Variants in CERS6 observed in about 807,000 individuals in gnomAD.
CERS6 encodes ceramide synthase 6, also known as LAG1 homolog, ceramide synthase 6.
Under a neutral mutation model 56.8 loss-of-function variants are expected in CERS6, and 26 were observed. That is an observed-to-expected ratio of 0.46 (90% confidence interval 0.34 to 0.63). The LOEUF (loss-of-function observed/expected upper bound fraction) is 0.63. Among genes scored for constraint, CERS6 ranks in the 30% least tolerant of loss-of-function variants. CERS6 has a pLI of 0.01. For missense variants in CERS6, 415 were observed against 467.5 expected (o/e 0.89, Z 1.04); for synonymous variants, 164 against 173.3 (o/e 0.95, Z 0.42).
intron 6 of CERS6, among the ~76,000 whole-genome samples, chr2:168,697,020 T>A (rs1277526067): frequency 6.6e-6 from 1 of 152,164 alleles, no homozygotes; most frequent in Non-Finnish European, 1.5e-5. Flanking sequence ...AGTAATCTGC[T>A]AAGTTGCAAA....
chr2:168,457,094 C>T (rs1392290419), intron 1 of CERS6, among the ~76,000 whole-genome samples: 1 of 152,256 alleles, frequency 6.6e-6, no homozygotes, highest in African/African-American at 2.4e-5. Flanking sequence ...ACACTTCAAT[C>T]TTTATGCTCC....
chr2:168,461,132 CCTTGTAATGAAGAGACTGAT>C (rs1693772094), intron 1 of CERS6, among the ~76,000 whole-genome samples: 1 of 152,050 alleles, frequency 6.6e-6, no homozygotes, highest in African/African-American at 2.4e-5. Flanking sequence ...CTATAGTGTA[CCTTGTAATGAAGAGACTGAT>C]CTGATATATT....
chr2:168,751,990 G>A (rs900480114), intron 8 of CERS6, among the ~76,000 whole-genome samples: 3 of 152,060 alleles, frequency 2.0e-5, no homozygotes, highest in African/African-American at 7.2e-5. Flanking sequence ...ACAGTTATTT[G>A]TAAACTCTTT....
At chr2:168,594,174 A>G (rs192099810) in intron 3 of CERS6, among the ~76,000 whole-genome samples, 12 of 152,334 alleles carry the variant, frequency 7.9e-5, no homozygotes, top group Non-Finnish European at 1.5e-4. Context: ...TTATACTTAT[A>G]AGAGTTATTC....
chr2:168,464,967 A>AT (rs1420623124), intron 1 of CERS6, among the ~76,000 whole-genome samples: 2 of 152,234 alleles, frequency 1.3e-5, no homozygotes, highest in African/African-American at 2.4e-5. Flanking sequence ...TGCAACTGCT[A>AT]TGGAGGTTCC....
At chr2:168,471,504 C>A (rs1693978010) in intron 1 of CERS6, among the ~76,000 whole-genome samples, 1 of 152,000 alleles carries the variant, frequency 6.6e-6, no homozygotes, top group South Asian at 2.1e-4. Flanking sequence ...GGCTGTTTTT[C>A]TGATTTCTAA....
intron 8 of CERS6, 68 bp downstream of exon 8, chr2:168,718,046 T>C: frequency 8.6e-7 from 1 of 1,164,944 alleles, no homozygotes; most frequent in Non-Finnish European, 1.3e-6. Flanking sequence ...CCATTTTCCT[T>C]TTGAATTTTA....
chr2:168,540,525 C>T (rs770722408), intron 1 of CERS6, among the ~76,000 whole-genome samples: 7 of 152,108 alleles, frequency 4.6e-5, no homozygotes, highest in Non-Finnish European at 8.8e-5. Flanking sequence ...AGCCTTGGAG[C>T]AATAGGCAAT....
At chr2:168,700,407 G>C (rs530974374) in intron 6 of CERS6, among the ~76,000 whole-genome samples, 1 of 152,172 alleles carries the variant, frequency 6.6e-6, no homozygotes, top group Admixed American at 6.5e-5. Context: ...TTGACAAATA[G>C]AGCTTAGACA....
intron 1 of CERS6, among the ~76,000 whole-genome samples, chr2:168,464,760 C>T (rs1022642355): frequency 6.6e-6 from 1 of 151,088 alleles, no homozygotes; most frequent in South Asian, 2.1e-4. Context: ...TGAGTGAGAC[C>T]CCATGTCAAA....
At chr2:168,676,076 A>G (rs1173015373) in intron 4 of CERS6, among the ~76,000 whole-genome samples, 1 of 152,122 alleles carries the variant, frequency 6.6e-6, no homozygotes, top group Non-Finnish European at 1.5e-5. Flanking sequence ...TCTTATTCCT[A>G]TTTCTACATT....
At chr2:168,520,588 T>G (rs1454634686) in intron 1 of CERS6, among the ~76,000 whole-genome samples, 1 of 146,912 alleles carries the variant, frequency 6.8e-6, no homozygotes, top group Non-Finnish European at 1.5e-5. Flanking sequence ...TCTTTAACAT[T>G]TACAATATCC....
At chr2:168,561,600 T>TA (rs915444739) in intron 3 of CERS6, among the ~76,000 whole-genome samples, 1 of 152,206 alleles carries the variant, frequency 6.6e-6, no homozygotes, top group Non-Finnish European at 1.5e-5. Flanking sequence ...ATCTTTGAAA[T>TA]ACAGCATTAA....
At chr2:168,482,372 C>T (rs555784333) in intron 1 of CERS6, among the ~76,000 whole-genome samples, 2 of 152,316 alleles carry the variant, frequency 1.3e-5, no homozygotes, top group South Asian at 2.1e-4. Context: ...TTGTTGAAGC[C>T]ATTAGCTCTT....
At chr2:168,676,106 G>T (rs1686053685) in intron 4 of CERS6, among the ~76,000 whole-genome samples, 1 of 152,198 alleles carries the variant, frequency 6.6e-6, no homozygotes, top group South Asian at 2.1e-4. Flanking sequence ...GTGATGTGTT[G>T]TTTTGGTTGA....
chr2:168,713,695 T>G (rs1394058770), intron 6 of CERS6, among the ~76,000 whole-genome samples: 1 of 152,160 alleles, frequency 6.6e-6, no homozygotes, highest in African/African-American at 2.4e-5. Flanking sequence ...TGATTAAAAT[T>G]CAGGGCTTCA....
At chr2:168,608,019 C>A (rs1255019240) in intron 3 of CERS6, among the ~76,000 whole-genome samples, 1 of 152,186 alleles carries the variant, frequency 6.6e-6, no homozygotes, top group Non-Finnish European at 1.5e-5. Context: ...GCAAACAGAG[C>A]AACTGTGGAC....
intron 8 of CERS6, among the ~76,000 whole-genome samples, chr2:168,734,122 T>C (rs1683638179): frequency 6.6e-6 from 1 of 152,200 alleles, no homozygotes; most frequent in Non-Finnish European, 1.5e-5. Context: ...AGGGGGTTGG[T>C]GACCTTCTAG....
chr2:168,583,377 A>G (rs937222261), intron 3 of CERS6, among the ~76,000 whole-genome samples: 10 of 152,224 alleles, frequency 6.6e-5, no homozygotes, highest in African/African-American at 2.2e-4. Flanking sequence ...CTGACATTCA[A>G]GAAACAGCCC....
Sources: allele counts gnomAD v4.1 joint callset (sites outside exome capture counted in the v4.1 genomes callset), GRCh38; gene constraint gnomAD v4.1.1; transcripts MANE v1.5; gene names NCBI Gene and HGNC (gene_info 2026-07-23, HGNC 2026-07-21).